Variants in ITCH observed in about 807,000 individuals in gnomAD.
The protein encoded by ITCH is E3 ubiquitin-protein ligase Itchy homolog.
Under a neutral mutation model 126.8 loss-of-function variants are expected in ITCH, and 28 were observed. That is an observed-to-expected ratio of 0.22 (90% CI 0.16 to 0.30). The LOEUF (loss-of-function observed/expected upper bound fraction) is 0.30. Ranked by LOEUF, ITCH falls within the 10% of genes least tolerant of loss-of-function variation. The pLI, the probability that ITCH is intolerant of heterozygous loss-of-function variation, is 1.00. For synonymous variants in ITCH, 342 were observed against 340.0 expected, an observed-to-expected ratio of 1.01 and a Z score of -0.06; for missense variants, 631 against 1,032.4, an observed-to-expected ratio of 0.61 and a Z score of 5.33.
At chr20:34,476,559 G>T (rs1005051453) in intron 16 of ITCH, 49 of 770,290 alleles carry the variant, frequency 6.4e-5, no homozygotes, top group Non-Finnish European at 7.7e-5. Context: ...TGTATACCTA[G>T]CCTATACTAT....
chr20:34,446,381 GT>G (rs1984470823), intron 11 of ITCH, among the ~76,000 whole-genome samples: 1 of 152,118 alleles, frequency 6.6e-6, no homozygotes. Flanking sequence ...ACTAGGCATA[GT>G]TTTATCCCTT....
intron 23 of ITCH, among the ~76,000 whole-genome samples, chr20:34,496,803 CAAA>C (rs60619641): frequency 6.0e-5 from 6 of 99,378 alleles, no homozygotes; most frequent in Non-Finnish European, 1.2e-4. Context: ...CACTCCATCT[CAAA>C]AAAAAAAAAA....
rs775405660 is a variant in ITCH at position 34,393,849 on chromosome 20, G to C, written c.38G>C (p.Ser13Thr). 14 of 1,613,940 alleles carry C rather than the reference G, an allele frequency of 8.7e-6. No homozygotes were observed. The highest frequency in any genetic ancestry group is 1.2e-5 in the Non-Finnish European group (14 of 1,179,956). Residue 13 changes from serine (S) to threonine (T), a missense_variant, in exon 3 of 25, where the codon AGC becomes ACC. Physicochemically the swap from Ser to Thr is moderately conservative, Grantham distance 58 (BLOSUM62 1). Coordinates refer to ENST00000374864, the MANE Select transcript of ITCH (RefSeq NM_031483.7). ...GGATCACAACTTGGTTCAATGGGTA[G>C]CCTCACCATGAAATCACAGCTTCAG... ...DSGSQLGSMGSLTMKSQLQIT... is the reference protein window; with the variant it reads ...DSGSQLGSMGTLTMKSQLQIT...
chr20:34,387,701 T>G (rs1421980420), intron 2 of ITCH, among the ~76,000 whole-genome samples: 2 of 122,530 alleles, frequency 1.6e-5, no homozygotes, highest in Non-Finnish European at 3.4e-5. Context: ...ATATTGTTAC[T>G]AGATTTTTTT....
intron 3 of ITCH, chr20:34,401,624 G>A (rs1471189760): frequency 1.0e-6 from 1 of 982,140 alleles, no homozygotes; most frequent in Admixed American, 6.2e-5. Context: ...CCCCAGATGG[G>A]GAACATGTTT....
At chr20:34,373,922 G>A (rs2037737757) in intron 2 of ITCH, among the ~76,000 whole-genome samples, 1 of 148,784 alleles carries the variant, frequency 6.7e-6, no homozygotes, top group Admixed American at 6.7e-5. Flanking sequence ...GTCTTGCTTT[G>A]TCGCCAGGCT....
intron 2 of ITCH, among the ~76,000 whole-genome samples, chr20:34,383,707 T>A (rs1399499484): frequency 1.3e-5 from 2 of 151,836 alleles, no homozygotes; most frequent in Non-Finnish European, 2.9e-5. Flanking sequence ...TTATTTTTTT[T>A]AATAGAAATG....
chr20:34,419,880 C>T (rs1010441999), intron 6 of ITCH, among the ~76,000 whole-genome samples: 9 of 151,072 alleles, frequency 6.0e-5, no homozygotes, highest in African/African-American at 9.7e-5. Context: ...GTGAATGTAC[C>T]GGGTTTTAAG....
intron 2 of ITCH, among the ~76,000 whole-genome samples, chr20:34,385,218 TGTGG>T (rs774782696): frequency 0.015 from 1,927 of 126,346 alleles, 57 homozygotes; most frequent in African/African-American, 0.059. Context: ...TGTGTGTGTG[TGTGG>T]TTTTTTTTTT....
chr20:34,369,842 G>A (rs1488733291), intron 2 of ITCH, among the ~76,000 whole-genome samples: 1 of 152,224 alleles, frequency 6.6e-6, no homozygotes, highest in East Asian at 1.9e-4. Flanking sequence ...AGTGGCTCAT[G>A]CCTGTAATTC....
At chr20:34,469,704 G>A (rs1987433955) in intron 14 of ITCH, among the ~76,000 whole-genome samples, 1 of 152,036 alleles carries the variant, frequency 6.6e-6, no homozygotes, top group Non-Finnish European at 1.5e-5. Flanking sequence ...TAGTTAAATA[G>A]CAAGGGTTTT....
intron 16 of ITCH, chr20:34,476,211 A>G (rs920803268): frequency 3.7e-6 from 3 of 801,106 alleles, no homozygotes; most frequent in Middle Eastern, 6.9e-4. Flanking sequence ...CGTCTAGCAG[A>G]GAATCACCAA....
At chr20:34,484,094 A>G (rs924885109) in intron 20 of ITCH, among the ~76,000 whole-genome samples, 2 of 152,178 alleles carry the variant, frequency 1.3e-5, no homozygotes, top group African/African-American at 4.8e-5. Context: ...CCCATAACAC[A>G]TAGGAATTAT....
chr20:34,371,167 C>CAAAA (rs1213462396), intron 2 of ITCH, among the ~76,000 whole-genome samples: 5 of 58,584 alleles, frequency 8.5e-5, no homozygotes, highest in African/African-American at 3.2e-4. Flanking sequence ...GACTCCGTCT[C>CAAAA]AAAAAAAAAA....
chr20:34,484,181 A>G (rs538874482), intron 20 of ITCH, among the ~76,000 whole-genome samples: 4 of 152,274 alleles, frequency 2.6e-5, no homozygotes, highest in Admixed American at 2.6e-4. Context: ...TTATAACTAA[A>G]ATGATGTTTT....
intron 11 of ITCH, among the ~76,000 whole-genome samples, chr20:34,448,698 A>C (rs1043226701): frequency 4.6e-5 from 7 of 152,202 alleles, no homozygotes; most frequent in Admixed American, 3.9e-4. Context: ...TGACCATGTA[A>C]TTATCTCTAC....
At chr20:34,469,579 C>A (rs1174941707) in intron 14 of ITCH, among the ~76,000 whole-genome samples, 1 of 152,218 alleles carries the variant, frequency 6.6e-6, no homozygotes, top group Non-Finnish European at 1.5e-5. Flanking sequence ...GTGTGAACCA[C>A]TGCACCTGGC....
At chr20:34,408,869 C>A in intron 4 of ITCH, 77 bp downstream of exon 4, 4 of 1,473,738 alleles carry the variant, frequency 2.7e-6, no homozygotes, top group Non-Finnish European at 3.7e-6. Flanking sequence ...AAATGTTTCT[C>A]ACTTTGGTTT....
At chr20:34,367,824 A>G (rs2037473758) in intron 1 of ITCH, among the ~76,000 whole-genome samples, 1 of 152,242 alleles carries the variant, frequency 6.6e-6, no homozygotes, top group Non-Finnish European at 1.5e-5. Flanking sequence ...TCTGGTTTAC[A>G]AAGATCAATG....
Sources: allele counts gnomAD v4.1 joint callset (sites outside exome capture counted in the v4.1 genomes callset), GRCh38; gene constraint gnomAD v4.1.1; transcripts MANE v1.5; gene names NCBI Gene and HGNC (gene_info 2026-07-23, HGNC 2026-07-21).